FHIT: variants seen among roughly 807,000 people sequenced by gnomAD.
FHIT encodes the protein bis(5'-adenosyl)-triphosphatase.
In FHIT, 19 loss-of-function variants were observed where a neutral mutation model predicts 17.9. The ratio of observed to expected loss-of-function variants is 1.06; its 90% CI spans 0.74 to 1.56. The LOEUF (loss-of-function observed/expected upper bound fraction) is 1.56, where lower values mean the gene tolerates loss of function less well. FHIT is among the 40% of genes most tolerant of loss of function. FHIT has a pLI of 0.00. For missense variants in FHIT, 248 were observed against 189.2 expected, an observed-to-expected ratio of 1.31 and a Z score of -1.82; for synonymous variants, 81 against 69.7, an observed-to-expected ratio of 1.16 and a Z score of -0.81.
At chr3:59,988,442 A>T (rs1032332628) in intron 7 of FHIT, among the ~76,000 whole-genome samples, 3 of 152,220 alleles carry the variant, frequency 2.0e-5, no homozygotes, top group African/African-American at 7.2e-5. Context: ...CTTTTTAAAT[A>T]AATAGACTTT....
intron 1 of FHIT, among the ~76,000 whole-genome samples, chr3:61,203,317 C>A (rs1447932455): frequency 6.6e-6 from 1 of 151,502 alleles, no homozygotes. Flanking sequence ...CCATTGCACT[C>A]CAGCCTGGGC....
chr3:60,370,199 A>G (rs1700270464), intron 5 of FHIT, among the ~76,000 whole-genome samples: 1 of 95,472 alleles, frequency 1.0e-5, no homozygotes, highest in Non-Finnish European at 2.0e-5. Flanking sequence ...AATTAACAAT[A>G]TTTTTGGCCA....
intron 7 of FHIT, among the ~76,000 whole-genome samples, chr3:59,986,257 T>G (rs1708896262): frequency 6.6e-6 from 1 of 151,600 alleles, no homozygotes; most frequent in African/African-American, 2.4e-5. Context: ...ACTGAGAAGC[T>G]CTCAGTAGGA....
At chr3:61,021,105 T>C (rs2032399237) in intron 3 of FHIT, among the ~76,000 whole-genome samples, 1 of 152,062 alleles carries the variant, frequency 6.6e-6, no homozygotes. Flanking sequence ...CACCCCACTG[T>C]CAATATTAGA....
At chr3:59,865,657 T>C (rs1390139543) in intron 8 of FHIT, among the ~76,000 whole-genome samples, 2 of 103,300 alleles carry the variant, frequency 1.9e-5, no homozygotes, top group African/African-American at 1.1e-4. Flanking sequence ...TTTTACCCTT[T>C]GCAATCTACT....
At chr3:61,061,960 C>T (rs1228050049) in intron 2 of FHIT, among the ~76,000 whole-genome samples, 1 of 152,112 alleles carries the variant, frequency 6.6e-6, no homozygotes, top group Non-Finnish European at 1.5e-5. Context: ...ATAATACATA[C>T]TGTTCTGTCA....
At chr3:60,252,983 G>A (rs1229383958) in intron 5 of FHIT, among the ~76,000 whole-genome samples, 5 of 151,978 alleles carry the variant, frequency 3.3e-5, no homozygotes, top group Non-Finnish European at 7.4e-5. Flanking sequence ...GGGTGACAGA[G>A]CGAGACTCCA....
intron 5 of FHIT, among the ~76,000 whole-genome samples, chr3:60,369,876 A>G (rs1026203004): frequency 2.0e-5 from 3 of 152,212 alleles, no homozygotes; most frequent in Non-Finnish European, 4.4e-5. Flanking sequence ...CACACAAGGA[A>G]CCCTCATTAA....
chr3:60,447,804 T>C (rs1208840157), intron 5 of FHIT, among the ~76,000 whole-genome samples: 4 of 152,132 alleles, frequency 2.6e-5, no homozygotes, highest in African/African-American at 9.7e-5. Flanking sequence ...GGGGACACTA[T>C]CCAACTTAAG....
At chr3:59,883,574 A>T (rs1381529191) in intron 8 of FHIT, among the ~76,000 whole-genome samples, 1 of 152,230 alleles carries the variant, frequency 6.6e-6, no homozygotes, top group African/African-American at 2.4e-5. Flanking sequence ...CCGTCTCACA[A>T]CACATGAGAA....
chr3:61,246,345 T>C (rs1211652532), intron 1 of FHIT, among the ~76,000 whole-genome samples: 1 of 152,150 alleles, frequency 6.6e-6, no homozygotes, highest in Non-Finnish European at 1.5e-5. Flanking sequence ...AAGAACCCTC[T>C]CTTGGGGTCT....
intron 4 of FHIT, among the ~76,000 whole-genome samples, chr3:60,630,739 A>T (rs1553682199): frequency 2.6e-5 from 4 of 151,944 alleles, no homozygotes; most frequent in African/African-American, 9.7e-5. Context: ...CAGCTTTCTA[A>T]TCCTTCCTCT....
intron 3 of FHIT, among the ~76,000 whole-genome samples, chr3:60,949,557 A>C (rs782512527): frequency 9.2e-5 from 14 of 152,230 alleles, no homozygotes; most frequent in Non-Finnish European, 2.1e-4. Flanking sequence ...AAATTGATTT[A>C]ATCAGAAAGC....
At chr3:61,190,078 A>G (rs987688562) in intron 2 of FHIT, among the ~76,000 whole-genome samples, 5 of 152,162 alleles carry the variant, frequency 3.3e-5, no homozygotes, top group Admixed American at 2.0e-4. Context: ...GACAAAATTG[A>G]CAAATGGGAT....
At chr3:60,219,200 T>C (rs1442825085) in intron 5 of FHIT, among the ~76,000 whole-genome samples, 1 of 152,134 alleles carries the variant, frequency 6.6e-6, no homozygotes, top group Non-Finnish European at 1.5e-5. Flanking sequence ...CCTGAAGATT[T>C]TTCTGGCAAA....
chr3:60,406,235 A>G (rs1230543799), intron 5 of FHIT, among the ~76,000 whole-genome samples: 12 of 152,182 alleles, frequency 7.9e-5, no homozygotes, highest in Non-Finnish European at 1.5e-5. Context: ...TAAAGGACAT[A>G]AAAGTGTTTA....
chr3:61,251,246 C>G (rs925757841), intron 1 of FHIT, 55 bp downstream of exon 1: 1 of 152,298 alleles, frequency 6.6e-6, no homozygotes, highest in African/African-American at 2.4e-5. Flanking sequence ...GCGTGGAAAC[C>G]CAGACCCGCG....
chr3:59,768,580 T>C (rs1701916891), intron 8 of FHIT, among the ~76,000 whole-genome samples: 1 of 152,236 alleles, frequency 6.6e-6, no homozygotes, highest in Non-Finnish European at 1.5e-5. Flanking sequence ...GGCAAAATCA[T>C]GTCTTTTCAC....
chr3:61,172,042 C>T (rs554393659), intron 2 of FHIT, among the ~76,000 whole-genome samples: 1 of 151,882 alleles, frequency 6.6e-6, no homozygotes, highest in East Asian at 1.9e-4. Context: ...TAGGGGTGGA[C>T]CTAAAGTTTC....
Sources: allele counts gnomAD v4.1 joint callset (sites outside exome capture counted in the v4.1 genomes callset), GRCh38; gene constraint gnomAD v4.1.1; transcripts MANE v1.5; gene names NCBI Gene and HGNC (gene_info 2026-07-23, HGNC 2026-07-21).